Variants in JAZF1 observed in about 807,000 individuals in gnomAD.
The protein encoded by JAZF1 is JAZF zinc finger 1, also known as juxtaposed with another zinc finger protein 1.
Under a neutral mutation model 26.4 loss-of-function variants are expected in JAZF1, and 8 were observed. The ratio of observed to expected loss-of-function variants is 0.30; its 90% CI spans 0.18 to 0.55. JAZF1 has a LOEUF of 0.55. Ranked by LOEUF, JAZF1 falls within the 20% of genes least tolerant of loss-of-function variation. The pLI, the probability that JAZF1 is intolerant of heterozygous loss-of-function variation, is 0.94. For synonymous variants in JAZF1, 126 were observed against 122.3 expected, an observed-to-expected ratio of 1.03 and a Z score of -0.20; for missense variants, 199 against 322.0, an observed-to-expected ratio of 0.62 and a Z score of 2.92.
At chr7:28,120,708 T>C (rs953552685) in intron 1 of JAZF1, among the ~76,000 whole-genome samples, 2 of 151,904 alleles carry the variant, frequency 1.3e-5, no homozygotes, top group Admixed American at 6.6e-5. Flanking sequence ...ATTTGGAGCT[T>C]CTCCCCAGAT....
chr7:28,034,854 A>G (rs1783257801), intron 1 of JAZF1, among the ~76,000 whole-genome samples: 1 of 152,212 alleles, frequency 6.6e-6, no homozygotes, highest in African/African-American at 2.4e-5. Context: ...GGAATTTGCT[A>G]TTGAGTAAAA....
At chr7:28,043,100 T>C (rs1280198536) in intron 1 of JAZF1, among the ~76,000 whole-genome samples, 1 of 152,140 alleles carries the variant, frequency 6.6e-6, no homozygotes, top group Non-Finnish European at 1.5e-5. Flanking sequence ...AGGGAGTATA[T>C]GGGAATACTG....
Position 28,130,833 on chromosome 7 carries a change from C to CAAGAG in JAZF1, c.115+49625_115+49629dup, listed in dbSNP as rs1782782085. Among the ~76,000 whole-genome samples the CAAGAG allele has an allele frequency of 2.6e-5, 4 of 152,190 alleles. No individual in the cohort carries two copies. The South Asian group carries it at 8.3e-4, about 32-fold the overall frequency. On this transcript the variant is annotated intron_variant, in intron 1 of 4. Coordinates refer to ENST00000283928, the MANE Select transcript of JAZF1 (RefSeq NM_175061.4). ...ACAATATTCCGCAACTTCCTGAACA[C>CAAGAG]AAGAGATTGGATAGAATACCAAATG...
At chr7:27,887,181 G>A (rs1783883324) in intron 3 of JAZF1, among the ~76,000 whole-genome samples, 1 of 152,016 alleles carries the variant, frequency 6.6e-6, no homozygotes, top group Non-Finnish European at 1.5e-5. Flanking sequence ...GGGTACTAGG[G>A]TTAATACCTG....
chr7:28,071,646 A>G (rs1361728297), intron 1 of JAZF1: 1 of 471,650 alleles, frequency 2.1e-6, no homozygotes, highest in Non-Finnish European at 4.4e-6. Flanking sequence ...AGACCCAAGG[A>G]CGGACCTTCT....
intron 1 of JAZF1, among the ~76,000 whole-genome samples, chr7:28,077,590 G>A (rs1784072049): frequency 6.6e-6 from 1 of 151,978 alleles, no homozygotes; most frequent in Non-Finnish European, 1.5e-5. Flanking sequence ...AAAAAAAGTG[G>A]CAAAATCCCA....
chr7:28,109,937 C>T (rs1023143302), intron 1 of JAZF1, among the ~76,000 whole-genome samples: 4 of 152,082 alleles, frequency 2.6e-5, no homozygotes, highest in South Asian at 2.1e-4. Flanking sequence ...TAGTATCCAA[C>T]GAGAAGTTGT....
In JAZF1 at chr7:27,877,380, A is replaced by T. The variant is rs539112713; in HGVS notation, c.385+17840T>A. Among the ~76,000 whole-genome samples, 4 of 152,360 alleles carry T rather than the reference A, an allele frequency of 2.6e-5. No individual in the cohort carries two copies. In the East Asian group the frequency reaches 5.8e-4, roughly 22 times the overall value. ...TCTTTGGAAGCGAACATGGAAAGGTATAACGGTCTGAACGGGGTATGGGGT... is the reference window on the plus strand; with the variant it reads ...TCTTTGGAAGCGAACATGGAAAGGTTTAACGGTCTGAACGGGGTATGGGGT... On this transcript the variant is annotated intron_variant, in intron 3 of 4. Coordinates refer to ENST00000283928, the MANE Select transcript of JAZF1 (RefSeq NM_175061.4).
chr7:27,874,052 C>T (rs1783630819), intron 3 of JAZF1, among the ~76,000 whole-genome samples: 2 of 152,238 alleles, frequency 1.3e-5, no homozygotes, highest in Admixed American at 6.5e-5. Flanking sequence ...TAATTTGTAA[C>T]TCATTAACAT....
intron 1 of JAZF1, among the ~76,000 whole-genome samples, chr7:28,099,897 T>TA (rs1316311878): frequency 1.3e-5 from 2 of 152,252 alleles, no homozygotes; most frequent in African/African-American, 4.8e-5. Flanking sequence ...TGCTTGGAGC[T>TA]ATACTTGGCC....
chr7:28,045,206 T>C (rs1273435119), intron 1 of JAZF1, among the ~76,000 whole-genome samples: 1 of 152,186 alleles, frequency 6.6e-6, no homozygotes, highest in Non-Finnish European at 1.5e-5. Context: ...GGAGTATGTC[T>C]ACAGAAATGC....
At chr7:27,911,402 C>T (rs217) in intron 2 of JAZF1, among the ~76,000 whole-genome samples, 84,775 of 151,882 alleles carry the variant, frequency 0.56, 24,428 homozygotes, top group Non-Finnish European at 0.64. Context: ...CTTGAGACAT[C>T]AGGTAGTTTG....
At chr7:28,177,613 TA>T (rs1783568088) in intron 1 of JAZF1, among the ~76,000 whole-genome samples, 1 of 152,230 alleles carries the variant, frequency 6.6e-6, no homozygotes, top group Non-Finnish European at 1.5e-5. Flanking sequence ...TCACGGTTGC[TA>T]AATAACAAGA....
intron 1 of JAZF1, among the ~76,000 whole-genome samples, chr7:28,077,519 T>C (rs1289738534): frequency 2.6e-5 from 4 of 152,118 alleles, no homozygotes; most frequent in Non-Finnish European, 5.9e-5. Context: ...CTTTTTTTTT[T>C]CTACAACAAA....
chr7:27,865,085 T>C (rs1562771135), intron 3 of JAZF1, among the ~76,000 whole-genome samples: 1 of 152,162 alleles, frequency 6.6e-6, no homozygotes, highest in Non-Finnish European at 1.5e-5. Flanking sequence ...GGTGTGTTCA[T>C]GGGCTGGGCA....
At chr7:27,918,902 T>C (rs1028997465) in intron 2 of JAZF1, among the ~76,000 whole-genome samples, 1 of 152,118 alleles carries the variant, frequency 6.6e-6, no homozygotes, top group African/African-American at 2.4e-5. Flanking sequence ...ATATGGGAAA[T>C]GACATTGATT....
In JAZF1 at chr7:27,895,332, T is replaced by C. The variant is rs1784042918; in HGVS notation, c.273A>G (p.Ser91=). 3.1e-6 allele frequency: 5 copies of C among 1,611,374 alleles called. No individual in the cohort carries two copies. The highest frequency in any genetic ancestry group is 4.2e-6 in the Non-Finnish European group (5 of 1,178,924). Residue 91 remains serine (S), a synonymous_variant, in exon 3 of 5, where the codon TCA becomes TCG. Transcript: ENST00000283928. The part of the protein sequence containing the change: ...QPKLSLTLSS[S]VSRGNVSTPP... ...GAGTGGACACATTCCCTCGAGACAC[T>C]GAGCTGGACAGAGTCAGCGAGAGCT...
intron 1 of JAZF1, among the ~76,000 whole-genome samples, chr7:28,143,134 C>T (rs1438194889): frequency 1.3e-5 from 2 of 152,104 alleles, no homozygotes; most frequent in Non-Finnish European, 2.9e-5. Flanking sequence ...TTCCACAACT[C>T]TCATCTCCTT....
chr7:28,114,818 C>T (rs1282395893), intron 1 of JAZF1, among the ~76,000 whole-genome samples: 1 of 151,220 alleles, frequency 6.6e-6, no homozygotes, highest in Non-Finnish European at 1.5e-5. Flanking sequence ...AGGGATGCCT[C>T]ATCAAAAAAG....
Sources: allele counts gnomAD v4.1 joint callset (sites outside exome capture counted in the v4.1 genomes callset), GRCh38; gene constraint gnomAD v4.1.1; transcripts MANE v1.5; gene names NCBI Gene and HGNC (gene_info 2026-07-23, HGNC 2026-07-21).